The following PLB1 variants were observed in gnomAD, a reference collection of about 807,000 sequenced individuals.
The protein encoded by PLB1 is phospholipase B1, membrane-associated.
A neutral mutation model predicts 227.4 loss-of-function variants in PLB1; 242 were observed. That is an observed-to-expected ratio of 1.06 (90% confidence interval 0.96 to 1.18). The LOEUF (loss-of-function observed/expected upper bound fraction) is 1.18. Ranked by LOEUF, PLB1 falls within the 50% of genes most tolerant of loss-of-function variation. The probability of loss-of-function intolerance (pLI) is 0.00; values close to 1 mark genes in which losing one functional copy is unlikely to be tolerated. For missense variants in PLB1, 1,858 were observed against 1,816.3 expected, an observed-to-expected ratio of 1.02 and a Z score of -0.42; for synonymous variants, 757 against 682.2, an observed-to-expected ratio of 1.11 and a Z score of -1.71.
At chr2:28,591,086 G>A in intron 29 of PLB1, 47 bp from the exon 30 acceptor site, 1 of 1,611,538 alleles carries the variant, frequency 6.2e-7, no homozygotes, top group African/African-American at 1.3e-5. Flanking sequence ...GACAAGCAGA[G>A]AAGTGAGCAG....
At chr2:28,619,519 G>GGTTTTTTT (rs1553459984) in intron 46 of PLB1, among the ~76,000 whole-genome samples, 1 of 124,610 alleles carries the variant, frequency 8.0e-6, no homozygotes, top group Non-Finnish European at 1.7e-5. Context: ...AAATTTCAAG[G>GGTTTTTTT]TTTTGTTTTT....
intron 39 of PLB1, among the ~76,000 whole-genome samples, chr2:28,603,584 G>A (rs1004968164): frequency 2.6e-5 from 4 of 152,222 alleles, no homozygotes; most frequent in Non-Finnish European, 5.9e-5. Context: ...CTAAGGCATA[G>A]CATCAGAGGC....
chr2:28,545,804 CAGACACACAG>C (rs1040669468), intron 14 of PLB1, among the ~76,000 whole-genome samples: 1 of 152,064 alleles, frequency 6.6e-6, no homozygotes, highest in African/African-American at 2.4e-5. Flanking sequence ...TCTACCCTCG[CAGACACACAG>C]AGCCCAGGTG....
chr2:28,620,590 T>C lies in PLB1; in HGVS notation c.3384-10T>C. On this transcript the variant is annotated splice_polypyrimidine_tract_variant and intron_variant, in intron 47 of 57. Transcript: ENST00000327757. ...GTGTGAGTTTAACAAATATGCTTTC[T>C]CCTCCCCAGCATTGGAGGGGATGGG... is the stretch of plus-strand genomic sequence containing the variant. The C allele has an allele frequency of 6.2e-7, 1 of 1,612,104 alleles. No homozygotes were observed. Among genetic ancestry groups the C allele is most frequent in the African/African-American group, 1.3e-5 (1 of 74,984 alleles).
At chr2:28,557,192 C>G (rs1048246634) in intron 17 of PLB1, among the ~76,000 whole-genome samples, 7 of 152,166 alleles carry the variant, frequency 4.6e-5, no homozygotes, top group African/African-American at 1.7e-4. Context: ...TTTCCCTGCC[C>G]TTTGGTTTTC....
At chr2:28,623,627 C>A (rs528536247) in intron 49 of PLB1, among the ~76,000 whole-genome samples, 2 of 152,126 alleles carry the variant, frequency 1.3e-5, no homozygotes, top group Non-Finnish European at 2.9e-5. Flanking sequence ...ACGTACCTAG[C>A]TTACCGTGGC....
At position 28,538,319 on chromosome 2, in the gene PLB1, A is replaced by C. The variant is rs759805977; in HGVS notation, c.556A>C (p.Asn186His). The part of the protein sequence containing the change: ...QCYLCPSAQQ[N>H]GLAAGGVDEL... Reference sequence around the variant, plus strand: ...ACTTAGCACGGTTCTCCTCTCACAGAATGGGCTTGCGGCGGGCGGCGTGGA... The same window carrying C: ...ACTTAGCACGGTTCTCCTCTCACAGCATGGGCTTGCGGCGGGCGGCGTGGA... The change falls in exon 10 of 58, where the codon AAT becomes CAT. Residue 186 changes from asparagine (N) to histidine (H), a missense_variant and splice_region_variant. Transcript: ENST00000327757. 3.7e-6 allele frequency: 6 copies of C among 1,613,878 alleles called. No individual in the cohort carries two copies. The highest frequency in any genetic ancestry group is 5.1e-6 in the Non-Finnish European group (6 of 1,179,934).
At chr2:28,616,237 C>T (rs1286874963) in intron 44 of PLB1, among the ~76,000 whole-genome samples, 1 of 152,044 alleles carries the variant, frequency 6.6e-6, no homozygotes, top group Non-Finnish European at 1.5e-5. Flanking sequence ...TGAATGTTCC[C>T]AACACAAAGA....
intron 25 of PLB1, among the ~76,000 whole-genome samples, chr2:28,584,109 C>T (rs1395923882): frequency 1.3e-5 from 2 of 152,226 alleles, no homozygotes; most frequent in Non-Finnish European, 2.9e-5. Context: ...GAGCACATCA[C>T]ATGGTAATTA....
At chr2:28,547,402 G>T (rs1423510126) in intron 14 of PLB1, among the ~76,000 whole-genome samples, 1 of 152,114 alleles carries the variant, frequency 6.6e-6, no homozygotes, top group Non-Finnish European at 1.5e-5. Context: ...CCTAGGCCTT[G>T]AGCTAGAGAG....
At chr2:28,524,652 A>G (rs1255021233) in intron 4 of PLB1, among the ~76,000 whole-genome samples, 2 of 152,146 alleles carry the variant, frequency 1.3e-5, no homozygotes, top group Non-Finnish European at 2.9e-5. Flanking sequence ...TTGGAGGGTC[A>G]TAATAAAACA....
At chr2:28,501,135 A>C (rs935470376) in intron 1 of PLB1, among the ~76,000 whole-genome samples, 1 of 152,134 alleles carries the variant, frequency 6.6e-6, no homozygotes, top group Non-Finnish European at 1.5e-5. Flanking sequence ...ACATCCAATA[A>C]ATTTATAAAG....
chr2:28,535,095 A>G (rs1671513488), intron 9 of PLB1, among the ~76,000 whole-genome samples: 1 of 152,206 alleles, frequency 6.6e-6, no homozygotes, highest in South Asian at 2.1e-4. Context: ...AAATTCCTGC[A>G]AGATCTAGTC....
intron 44 of PLB1, among the ~76,000 whole-genome samples, chr2:28,616,351 C>T (rs563825810): frequency 4.6e-5 from 7 of 152,170 alleles, no homozygotes; most frequent in African/African-American, 1.7e-4. Flanking sequence ...TAAGTATGTA[C>T]ACTTAATATG....
At chr2:28,528,513 C>G (rs766479616) in intron 6 of PLB1, among the ~76,000 whole-genome samples, 1 of 152,200 alleles carries the variant, frequency 6.6e-6, no homozygotes, top group African/African-American at 2.4e-5. Context: ...GAAGGCAGCC[C>G]GAGTCCCTGT....
chr2:28,532,121 A>C lies in PLB1; in HGVS notation c.482A>C (p.Gln161Pro), dbSNP rs1292890463. Reference sequence around the variant, plus strand: ...CCTTTTATTCAGCAACTTGACTTTCAATTTGACTGGAAGCTCATCAATGTG... The same window carrying C: ...CCTTTTATTCAGCAACTTGACTTTCCATTTGACTGGAAGCTCATCAATGTG... ...NMKENLQLDF[Q>P]FDWKLINVFF... Residue 161 changes from glutamine to proline, a missense_variant, in exon 9 of 58, where the codon CAA (glutamine) becomes CCA (proline). Transcript: ENST00000327757. 3 of 1,611,682 alleles carry C rather than the reference A, an allele frequency of 1.9e-6. No homozygotes were observed. In the Admixed American group the frequency reaches 5.0e-5, roughly 27 times the overall value.
At chr2:28,639,461 G>C (rs933177307) in intron 56 of PLB1, among the ~76,000 whole-genome samples, 37 of 152,242 alleles carry the variant, frequency 2.4e-4, no homozygotes, top group Non-Finnish European at 5.4e-4. Flanking sequence ...GAGAGATTAG[G>C]AAGTGCTGCC....
At chr2:28,631,455 G>C (rs1465227665) in intron 54 of PLB1, among the ~76,000 whole-genome samples, 3 of 152,150 alleles carry the variant, frequency 2.0e-5, no homozygotes, top group Non-Finnish European at 2.9e-5. Flanking sequence ...AGCCCCAAAG[G>C]GTTCTCATGT....
At position 28,624,683 on chromosome 2, in the gene PLB1, T is replaced by C. The variant is rs1573516644; in HGVS notation, c.3528-374T>C. Among the ~76,000 whole-genome samples the C allele has an allele frequency of 3.3e-5, 5 of 152,338 alleles. No homozygotes were observed. The East Asian group carries it at 5.8e-4, about 18-fold the overall frequency. On this transcript the variant is annotated intron_variant, in intron 49 of 57. Transcript: ENST00000327757. ...TGGAAAGGAGAAAACTGAGGGATAA[T>C]TGAGAGCTGTGACTTTTCTCAAATA...
Sources: allele counts gnomAD v4.1 joint callset (sites outside exome capture counted in the v4.1 genomes callset), GRCh38; gene constraint gnomAD v4.1.1; transcripts MANE v1.5; gene names NCBI Gene and HGNC (gene_info 2026-07-23, HGNC 2026-07-21).